The following PTPRD variants were observed in gnomAD, a reference collection of about 807,000 sequenced individuals.
PTPRD encodes protein tyrosine phosphatase receptor type D.
PTPRD carries 34 observed loss-of-function variants against 214.5 expected under a neutral mutation model. The ratio of observed to expected loss-of-function variants is 0.16; its 90% CI spans 0.12 to 0.21. The LOEUF (loss-of-function observed/expected upper bound fraction) is 0.21, where lower values mean the gene tolerates loss of function less well. PTPRD is among the 10% of genes least tolerant of loss of function. The probability of loss-of-function intolerance (pLI) is 1.00; values close to 1 mark genes in which losing one functional copy is unlikely to be tolerated. For missense variants in PTPRD, 2,545 were observed against 2,398.7 expected (o/e 1.06, Z -1.27); for synonymous variants, 1,128 against 845.7 (o/e 1.33, Z -5.79).
chr9:8,599,387 A>G (rs1421631113), intron 14 of PTPRD, among the ~76,000 whole-genome samples: 4 of 152,188 alleles, frequency 2.6e-5, no homozygotes, highest in Non-Finnish European at 5.9e-5. Context: ...TCTCTTCTGA[A>G]AAGTAAAAAC....
rs115691106 is a variant in PTPRD at position 10,233,733 on chromosome 9, G to C, written c.-545+107230C>G. Among the ~76,000 whole-genome samples the C allele has an allele frequency of 9.7e-3, 1,473 of 152,008 alleles. 27 individuals are homozygous for C. Among genetic ancestry groups the C allele is most frequent in the African/African-American group, 0.033 (1,384 of 41,500 alleles). ...TAAGCTAACTTTTCAGATAATGAAA[G>C]ATAAATTTTCATATTCAGCTTGGGA... On this transcript the variant is annotated intron_variant, in intron 3 of 45. Transcript: ENST00000381196.
At chr9:9,072,713 G>A (rs569641322) in intron 10 of PTPRD, among the ~76,000 whole-genome samples, 34 of 152,250 alleles carry the variant, frequency 2.2e-4, no homozygotes, top group African/African-American at 8.2e-4. Context: ...TTGCACATGG[G>A]AAATCTTACG....
chr9:10,034,493 C>T (rs1329277831), intron 3 of PTPRD, among the ~76,000 whole-genome samples: 12 of 142,134 alleles, frequency 8.4e-5, no homozygotes, highest in Admixed American at 8.3e-4. Context: ...GTGTCATAGG[C>T]GTTTGTTGTG....
At chr9:10,456,937 T>C (rs946970649) in intron 2 of PTPRD, among the ~76,000 whole-genome samples, 7 of 151,892 alleles carry the variant, frequency 4.6e-5, no homozygotes, top group African/African-American at 1.7e-4. Flanking sequence ...ATGAAGCACA[T>C]TTTTTCTTTA....
intron 11 of PTPRD, among the ~76,000 whole-genome samples, chr9:8,804,504 G>A (rs755793557): frequency 5.1e-4 from 78 of 151,988 alleles, no homozygotes; most frequent in Non-Finnish European, 8.4e-4. Context: ...AGGCTGGGAC[G>A]GGAGGATTGC....
intron 5 of PTPRD, among the ~76,000 whole-genome samples, chr9:9,934,573 G>A (rs7040725): frequency 0.16 from 23,694 of 150,802 alleles, 4,840 homozygotes; most frequent in African/African-American, 0.48. Flanking sequence ...CTGAAATTAT[G>A]GCAATAATCA....
chr9:8,802,442 T>G (rs1035653253), intron 11 of PTPRD, among the ~76,000 whole-genome samples: 2 of 152,150 alleles, frequency 1.3e-5, no homozygotes, highest in African/African-American at 4.8e-5. Context: ...CCTTCCTTAA[T>G]GACGCTCCCT....
At chr9:8,583,569 T>C (rs1377956534) in intron 14 of PTPRD, among the ~76,000 whole-genome samples, 2 of 152,220 alleles carry the variant, frequency 1.3e-5, no homozygotes, top group Admixed American at 6.5e-5. Context: ...ATGTAGATTA[T>C]GATACCAATT....
chr9:9,686,606 C>A (rs2097171350), intron 7 of PTPRD, among the ~76,000 whole-genome samples: 1 of 151,556 alleles, frequency 6.6e-6, no homozygotes, highest in Non-Finnish European at 1.5e-5. Flanking sequence ...TTTTACATTT[C>A]TACATAAATT....
chr9:10,076,561 T>C (rs2098134739), intron 3 of PTPRD, among the ~76,000 whole-genome samples: 1 of 152,058 alleles, frequency 6.6e-6, no homozygotes, highest in African/African-American at 2.4e-5. Context: ...TTAACCTCAC[T>C]GTTTGGTGCT....
intron 2 of PTPRD, among the ~76,000 whole-genome samples, chr9:10,467,237 A>G (rs539663910): frequency 1.1e-4 from 17 of 152,328 alleles, no homozygotes; most frequent in African/African-American, 4.1e-4. Context: ...TAGTTGTGGG[A>G]TGTTAGATCT....
At chr9:9,217,828 T>C (rs1358637698) in intron 9 of PTPRD, among the ~76,000 whole-genome samples, 1 of 152,142 alleles carries the variant, frequency 6.6e-6, no homozygotes, top group East Asian at 1.9e-4. Context: ...ATCTTGTCCA[T>C]ATGTTTTCTG....
chr9:9,117,213 A>G (rs2099813200), intron 10 of PTPRD, among the ~76,000 whole-genome samples: 1 of 150,580 alleles, frequency 6.6e-6, no homozygotes, highest in Admixed American at 6.6e-5. Flanking sequence ...AGAGCTCAGG[A>G]AATTAAGTTT....
intron 4 of PTPRD, among the ~76,000 whole-genome samples, chr9:9,968,380 C>A (rs1385287209): frequency 1.3e-5 from 2 of 152,116 alleles, no homozygotes; most frequent in Non-Finnish European, 1.5e-5. Flanking sequence ...TTAAGATACG[C>A]TTTGAGTAAA....
chr9:8,371,693 G>A (rs962374322), intron 39 of PTPRD, among the ~76,000 whole-genome samples: 6 of 151,964 alleles, frequency 3.9e-5, no homozygotes, highest in Admixed American at 1.3e-4. Context: ...AAAAATTATC[G>A]TGTATATCAA....
At position 8,994,661 on chromosome 9, in the gene PTPRD, AG is replaced by A. The variant is rs1229665442; in HGVS notation, c.-104+24035del. Among the ~76,000 whole-genome samples, 5 of 151,940 alleles carry A rather than the reference AG, an allele frequency of 3.3e-5. 1 individual carries two copies. The highest frequency in any genetic ancestry group is 1.9e-4 in the East Asian group (1 of 5,146). On this transcript the variant is annotated intron_variant, in intron 11 of 45. Transcript: ENST00000381196. ...TTAAGACAATTACAATTACGGTTGG[AG>A]GGGGGGTGTTGTTTGTTTTTGTAAT...
chr9:10,442,430 T>C (rs2098766018), intron 2 of PTPRD, among the ~76,000 whole-genome samples: 1 of 151,590 alleles, frequency 6.6e-6, no homozygotes, highest in Non-Finnish European at 1.5e-5. Flanking sequence ...GTTTGACCTA[T>C]AAGAATAAGT....
At chr9:8,450,126 C>A (rs527912061) in intron 33 of PTPRD, among the ~76,000 whole-genome samples, 14 of 152,210 alleles carry the variant, frequency 9.2e-5, no homozygotes, top group African/African-American at 2.9e-4. Flanking sequence ...TGGTGAGATA[C>A]GCATGGACCC....
intron 2 of PTPRD, among the ~76,000 whole-genome samples, chr9:10,430,121 A>G (rs978133807): frequency 1.3e-5 from 2 of 151,970 alleles, no homozygotes; most frequent in Non-Finnish European, 2.9e-5. Flanking sequence ...AACAACCTTC[A>G]TGTATTTCCC....
Sources: gnomAD v4.1 joint callset for allele counts (sites outside exome capture counted in the v4.1 genomes callset) on GRCh38, gnomAD v4.1.1 for gene constraint, MANE v1.5 for transcripts, NCBI Gene and HGNC (gene_info 2026-07-23, HGNC 2026-07-21) for gene names.